The following AIG1 variants were observed in gnomAD, a reference collection of about 807,000 sequenced individuals.
AIG1 encodes androgen induced 1.
Under a neutral mutation model 31.4 loss-of-function variants are expected in AIG1, and 23 were observed. The observed-to-expected ratio is 0.73, with a 90% CI of 0.53 to 1.04. AIG1 has a LOEUF of 1.04. Ranked by LOEUF, AIG1 falls within the 50% of genes least tolerant of loss-of-function variation. The pLI, the probability that AIG1 is intolerant of heterozygous loss-of-function variation, is 0.00. For missense variants in AIG1, 274 were observed against 295.0 expected (o/e 0.93, Z 0.52); for synonymous variants, 100 against 110.5 (o/e 0.90, Z 0.60).
chr6:143,214,251 T>C (rs1271035870), intron 3 of AIG1, among the ~76,000 whole-genome samples: 3 of 152,208 alleles, frequency 2.0e-5, no homozygotes, highest in African/African-American at 7.2e-5. Context: ...GAATGCTCAT[T>C]GCTCTCAACG....
At chr6:143,254,910 C>T (rs1470259861) in intron 3 of AIG1, among the ~76,000 whole-genome samples, 2 of 152,110 alleles carry the variant, frequency 1.3e-5, no homozygotes, top group African/African-American at 4.8e-5. Flanking sequence ...GGGACTACTA[C>T]AGCTGTAGTC....
intron 3 of AIG1, among the ~76,000 whole-genome samples, chr6:143,238,382 T>G (rs1049405483): frequency 2.6e-5 from 4 of 152,198 alleles, no homozygotes; most frequent in Non-Finnish European, 5.9e-5. Context: ...AAGGAATCCA[T>G]TATAGAGAAA....
chr6:143,062,139 C>T lies in AIG1; in HGVS notation c.141+1073C>T, dbSNP rs371017101. Among the ~76,000 whole-genome samples, 5 of 152,278 alleles carry T rather than the reference C, an allele frequency of 3.3e-5. No homozygotes were observed. The East Asian group carries it at 9.6e-4, about 29-fold the overall frequency. On this transcript the variant is annotated intron_variant, in intron 1 of 5. Coordinates refer to ENST00000357847, the MANE Select transcript of AIG1 (RefSeq NM_016108.4). ...AACATGATACCTGTTTTAAAAATTT[C>T]CAAAGGCTTAGGATGCCTCAAAGAA...
intron 1 of AIG1, among the ~76,000 whole-genome samples, chr6:143,115,268 A>G (rs1290818622): frequency 6.6e-6 from 1 of 152,224 alleles, no homozygotes; most frequent in Non-Finnish European, 1.5e-5. Context: ...ATTTTCATTC[A>G]TATGTCCAAA....
At position 143,171,009 on chromosome 6, in the gene AIG1, A is replaced by T. The variant is rs796950422; in HGVS notation, c.399+5826A>T. Among the ~76,000 whole-genome samples, 5 of 152,182 alleles carry T rather than the reference A, an allele frequency of 3.3e-5. No homozygotes were observed. In the South Asian group the frequency reaches 8.3e-4, roughly 25 times the overall value. On this transcript the variant is annotated intron_variant, in intron 3 of 5. Transcript: ENST00000357847. Reference sequence around the variant, plus strand: ...CCCATTATAGAAATTTCAGATGAATAAGAGATGGGAAAAGGCATAGGAAAC... The same window carrying T: ...CCCATTATAGAAATTTCAGATGAATTAGAGATGGGAAAAGGCATAGGAAAC...
chr6:143,250,215 A>G (rs572955606), intron 3 of AIG1, among the ~76,000 whole-genome samples: 1 of 152,282 alleles, frequency 6.6e-6, no homozygotes, highest in East Asian at 1.9e-4. Flanking sequence ...TTCCTTCTCA[A>G]GGCTGGCCCT....
intron 2 of AIG1, among the ~76,000 whole-genome samples, chr6:143,153,400 T>G (rs1337770055): frequency 1.3e-5 from 2 of 152,186 alleles, no homozygotes; most frequent in Non-Finnish European, 2.9e-5. Flanking sequence ...CAGGCTGGAG[T>G]GCAGTGGTGT....
chr6:143,147,550 GC>G (rs1784816927), intron 2 of AIG1, among the ~76,000 whole-genome samples: 1 of 152,120 alleles, frequency 6.6e-6, no homozygotes, highest in African/African-American at 2.4e-5. Context: ...CTGTGAGTAT[GC>G]CCTGGCCCAG....
chr6:143,287,685 G>A (rs1797775997), intron 4 of AIG1, among the ~76,000 whole-genome samples: 2 of 133,174 alleles, frequency 1.5e-5, no homozygotes, highest in Non-Finnish European at 3.1e-5. Flanking sequence ...CCCCATAGTT[G>A]GAAAGACACT....
intron 3 of AIG1, among the ~76,000 whole-genome samples, chr6:143,259,356 A>G (rs1369585087): frequency 4.6e-5 from 7 of 151,284 alleles, no homozygotes; most frequent in African/African-American, 1.7e-4. Flanking sequence ...GCCATAGACC[A>G]CTCTCTCCTT....
chr6:143,135,414 T>A (rs1196332739), intron 1 of AIG1, among the ~76,000 whole-genome samples: 1 of 152,144 alleles, frequency 6.6e-6, no homozygotes, highest in African/African-American at 2.4e-5. Flanking sequence ...ATGAAATTAT[T>A]CCCTGAGTCA....
At position 143,060,954 on chromosome 6, in the gene AIG1, G is replaced by A; in HGVS notation, c.29G>A (p.Arg10Gln). Reference protein sequence around the residue: MALVPCQVLRMAILLSYCSI... With the variant: MALVPCQVLQMAILLSYCSI... ...GCGCTTGTCCCCTGCCAGGTGCTGC[G>A]GATGGCAATCCTGCTGTCTTACTGC... Residue 10 changes from arginine to glutamine, a missense_variant, in exon 1 of 6, where the codon CGG (arginine) becomes CAG (glutamine). Physicochemically the swap from Arg to Gln is conservative, Grantham distance 43 (BLOSUM62 1). This residue lies in a region of AIG1 where 243 missense variants were observed against 238.5 expected (regional missense o/e 1.02). Transcript: ENST00000357847. The A allele has an allele frequency of 6.2e-7, 1 of 1,612,144 alleles. No individual in the cohort carries two copies. Among genetic ancestry groups the A allele is most frequent in the Non-Finnish European group, 8.5e-7 (1 of 1,179,604 alleles).
intron 1 of AIG1, among the ~76,000 whole-genome samples, chr6:143,090,420 G>A (rs916838347): frequency 2.0e-5 from 3 of 152,048 alleles, no homozygotes; most frequent in Admixed American, 6.6e-5. Flanking sequence ...ATTTATAGTC[G>A]ATCTGTTTTC....
intron 3 of AIG1, among the ~76,000 whole-genome samples, chr6:143,233,368 G>C (rs1793582424): frequency 6.6e-6 from 1 of 152,022 alleles, no homozygotes. Context: ...TAGAACCCAG[G>C]AAATTTGGAA....
At position 143,138,653 on chromosome 6, in the gene AIG1, G is replaced by A. The variant is rs745466669; in HGVS notation, c.297+1663G>A. ...TCACGCCTGTAATCCCAGCACTTTG[G>A]GAGGCCGAGGCGGGCAGATCATGAG... is the stretch of plus-strand genomic sequence containing the variant. On this transcript the variant is annotated intron_variant, in intron 2 of 5. Coordinates refer to ENST00000357847, the MANE Select transcript of AIG1 (RefSeq NM_016108.4). 1.2e-4 allele frequency among the ~76,000 whole-genome samples: 19 copies of A among 152,174 alleles called. No homozygotes were observed. In the Middle Eastern group the frequency reaches 0.01, roughly 82 times the overall value.
intron 1 of AIG1, among the ~76,000 whole-genome samples, chr6:143,107,394 C>T (rs997077943): frequency 9.2e-5 from 14 of 152,154 alleles, no homozygotes; most frequent in African/African-American, 3.4e-4. Flanking sequence ...GTCTCCAAAA[C>T]ATATTACCAT....
At chr6:143,317,545 A>G (rs1775863790) in intron 4 of AIG1, among the ~76,000 whole-genome samples, 1 of 152,188 alleles carries the variant, frequency 6.6e-6, no homozygotes, top group Non-Finnish European at 1.5e-5. Context: ...CACAGCCAAC[A>G]TAATACCAAA....
chr6:143,220,458 A>G (rs1792389721), intron 3 of AIG1, among the ~76,000 whole-genome samples: 1 of 152,156 alleles, frequency 6.6e-6, no homozygotes, highest in South Asian at 2.1e-4. Context: ...GAAAGAATGA[A>G]CACGAGACGT....
intron 1 of AIG1, among the ~76,000 whole-genome samples, chr6:143,109,496 G>A (rs1004215675): frequency 6.6e-6 from 1 of 152,118 alleles, no homozygotes; most frequent in Admixed American, 6.5e-5. Context: ...AAAAGTTCCA[G>A]TTATCCTGTG....
Sources: allele counts gnomAD v4.1 joint callset (sites outside exome capture counted in the v4.1 genomes callset), GRCh38; gene constraint gnomAD v4.1.1; regional missense constraint gnomAD v4.1.1; transcripts MANE v1.5; gene names NCBI Gene and HGNC (gene_info 2026-07-23, HGNC 2026-07-21).